Variants in QSER1 observed in about 807,000 individuals in gnomAD.
The protein encoded by QSER1 is glutamine and serine-rich protein 1.
In QSER1, 49 loss-of-function variants were observed where a neutral mutation model predicts 158.5. The observed-to-expected ratio is 0.31, with a 90% confidence interval of 0.25 to 0.39. The LOEUF (loss-of-function observed/expected upper bound fraction) is 0.39, where lower values mean the gene tolerates loss of function less well. Among genes scored for constraint, QSER1 ranks in the 10% least tolerant of loss-of-function variants. The pLI, the probability that QSER1 is intolerant of heterozygous loss-of-function variation, is 1.00. For missense variants in QSER1, 1,754 were observed against 2,010.3 expected (o/e 0.87, Z 2.44); for synonymous variants, 650 against 715.5 (o/e 0.91, Z 1.46).
intron 1 of QSER1, among the ~76,000 whole-genome samples, chr11:32,910,876 C>T (rs893947237): frequency 6.6e-6 from 1 of 152,136 alleles, no homozygotes; most frequent in Non-Finnish European, 1.5e-5. Context: ...CTTTATTGTT[C>T]CAGTTGGCTT....
At position 32,977,142 on chromosome 11, in the gene QSER1, A is replaced by G. The variant is rs1280140380; in HGVS notation, c.*668A>G. 6.6e-6 allele frequency: 1 copy of G among 152,646 alleles called. No individual in the cohort carries two copies. Among genetic ancestry groups the G allele is most frequent in the African/African-American group, 2.4e-5 (1 of 41,470 alleles). 9.5% of individuals were successfully genotyped at this position (152,646 alleles called of 1,614,324 possible). A position where few individuals can be genotyped will look rare whatever the true frequency, so the allele number is the denominator to read the frequency against. On this transcript the variant is annotated 3_prime_UTR_variant, in exon 13 of 13. Coordinates refer to ENST00000650167, the MANE Select transcript of QSER1 (RefSeq NM_001076786.3). ...ACATACTATTTTCCCTATCGCAAAG[A>G]AAAGTATTTTCGTTTATACTGTTTT...
intron 10 of QSER1, among the ~76,000 whole-genome samples, chr11:32,969,356 T>C (rs1852808719): frequency 6.6e-6 from 1 of 152,186 alleles, no homozygotes; most frequent in Admixed American, 6.5e-5. Flanking sequence ...TTTATAGTTA[T>C]CTATTATATC....
intron 4 of QSER1, among the ~76,000 whole-genome samples, chr11:32,941,500 C>G (rs1056149365): frequency 2.0e-5 from 3 of 150,550 alleles, no homozygotes; most frequent in Non-Finnish European, 4.4e-5. Flanking sequence ...TTTGTTCTTG[C>G]GATAGTTTAC....
In QSER1 at chr11:32,931,878, T is replaced by C; in HGVS notation, c.620T>C (p.Leu207Ser). The C allele has an allele frequency of 1.2e-6, 2 of 1,614,204 alleles. No individual in the cohort carries two copies. Among genetic ancestry groups the C allele is most frequent in the Non-Finnish European group, 1.7e-6 (2 of 1,180,014 alleles). The change falls in exon 4 of 13, where the codon TTG becomes TCG. Residue 207 changes from leucine (L) to serine (S), a missense_variant. Around this residue, in one of 2 missense-constraint regions of QSER1, gnomAD observed 1,707 missense variants for 1,919.6 expected, o/e 0.89. Coordinates refer to ENST00000650167, the MANE Select transcript of QSER1 (RefSeq NM_001076786.3). ...SNRNFATTSPLVLQDSTFNTT... is the reference protein window; with the variant it reads ...SNRNFATTSPSVLQDSTFNTT... Reference sequence around the variant, plus strand: ...AGAAACTTTGCTACCACTTCACCTTTGGTGCTTCAGGATTCAACTTTTAAC... The same window carrying C: ...AGAAACTTTGCTACCACTTCACCTTCGGTGCTTCAGGATTCAACTTTTAAC...
At chr11:32,952,304 G>A (rs1317376550) in intron 4 of QSER1, among the ~76,000 whole-genome samples, 2 of 152,162 alleles carry the variant, frequency 1.3e-5, no homozygotes, top group African/African-American at 4.8e-5. Flanking sequence ...TTCCCAGGCT[G>A]TTGAATGTTT....
intron 1 of QSER1, among the ~76,000 whole-genome samples, chr11:32,924,816 C>T (rs1327854388): frequency 1.3e-5 from 2 of 152,120 alleles, no homozygotes; most frequent in Admixed American, 6.5e-5. Flanking sequence ...GTTTGGAATA[C>T]AAATGATCCT....
At chr11:32,970,946 CT>C (rs776051259) in intron 10 of QSER1, among the ~76,000 whole-genome samples, 1,284 of 76,814 alleles carry the variant, frequency 0.017, no homozygotes, top group African/African-American at 0.048. Context: ...AAGCAATTTG[CT>C]TTTTTTTTTT....
At chr11:32,914,226 A>C (rs1243230119) in intron 1 of QSER1, among the ~76,000 whole-genome samples, 2 of 152,226 alleles carry the variant, frequency 1.3e-5, no homozygotes, top group Non-Finnish European at 2.9e-5. Context: ...TAGAACTACA[A>C]AGAACATTAG....
chr11:32,911,910 A>C (rs1467704006), intron 1 of QSER1, among the ~76,000 whole-genome samples: 1 of 152,222 alleles, frequency 6.6e-6, no homozygotes, highest in Non-Finnish European at 1.5e-5. Flanking sequence ...TGGAAGAGGG[A>C]AGAGTGGTAC....
chr11:32,959,130 A>G (rs1467225052), intron 8 of QSER1, among the ~76,000 whole-genome samples: 1 of 152,216 alleles, frequency 6.6e-6, no homozygotes, highest in African/African-American at 2.4e-5. Flanking sequence ...GAGGTTGCCA[A>G]ATGTCTTGCA....
At chr11:32,894,200 C>T (rs1156718496) in intron 1 of QSER1, among the ~76,000 whole-genome samples, 1 of 152,086 alleles carries the variant, frequency 6.6e-6, no homozygotes, top group African/African-American at 2.4e-5. Context: ...TCTTGCATGA[C>T]CAAGGGAATC....
Position 32,934,533 on chromosome 11 carries a change from T to A in QSER1, c.3275T>A (p.Val1092Asp), listed in dbSNP as rs1378256141. 2 of 1,613,580 alleles carry A rather than the reference T, an allele frequency of 1.2e-6. No homozygotes were observed. Among genetic ancestry groups the A allele is most frequent in the African/African-American group, 2.7e-5 (2 of 75,046 alleles). Residue 1092 changes from valine to aspartate, a missense_variant, in exon 4 of 13, where the codon GTT becomes GAT. This residue lies in a region of QSER1 where 1,707 missense variants were observed against 1,919.6 expected (regional missense o/e 0.89). Transcript: ENST00000650167. ...NIPTKVTSAV[V>D]GPSHEVQEQS... ...CCAACTAAAGTAACTTCAGCAGTGG[T>A]TGGACCAAGTCATGAAGTCCAGGAG...
intron 4 of QSER1, among the ~76,000 whole-genome samples, chr11:32,949,135 A>G (rs1852383518): frequency 6.6e-6 from 1 of 152,134 alleles, no homozygotes; most frequent in African/African-American, 2.4e-5. Flanking sequence ...TATATTTCCC[A>G]GTTTACCCTT....
Position 32,958,034 on chromosome 11 carries a change from A to G in QSER1, c.4917A>G (p.Ser1639=). ...AAAAATGGAAAGAAGAATTTTCATCATCCCAATCTGACTCATCTCCTGAGA... is the reference window on the plus strand; with the variant it reads ...AAAAATGGAAAGAAGAATTTTCATCGTCCCAATCTGACTCATCTCCTGAGA... ...KRKKWKEEFS[S]SQSDSSPEIH... Residue 1639 remains serine, a synonymous_variant, in exon 8 of 13, where the codon TCA becomes TCG. Transcript: ENST00000650167. The G allele has an allele frequency of 3.1e-6, 5 of 1,614,166 alleles. No individual in the cohort carries two copies.
chr11:32,906,996 A>G (rs1444919497), intron 1 of QSER1, among the ~76,000 whole-genome samples: 4 of 152,216 alleles, frequency 2.6e-5, no homozygotes, highest in African/African-American at 9.6e-5. Flanking sequence ...CAACCTATAC[A>G]TATTTCATTG....
intron 3 of QSER1, among the ~76,000 whole-genome samples, chr11:32,931,305 C>T (rs943077698): frequency 3.9e-5 from 6 of 152,056 alleles, no homozygotes; most frequent in East Asian, 1.9e-4. Context: ...CTAATCCAGG[C>T]GTGGTGGCTT....
At chr11:32,941,486 G>GT (rs1317240244) in intron 4 of QSER1, among the ~76,000 whole-genome samples, 1 of 149,572 alleles carries the variant, frequency 6.7e-6, no homozygotes, top group Non-Finnish European at 1.5e-5. Context: ...GCGGTGTTTG[G>GT]TTTTTTGTTC....
chr11:32,901,350 T>G (rs911439212), intron 1 of QSER1, among the ~76,000 whole-genome samples: 1 of 152,256 alleles, frequency 6.6e-6, no homozygotes, highest in African/African-American at 2.4e-5. Context: ...TAACTGCTAT[T>G]AATACTTGCC....
At chr11:32,905,553 T>C (rs12290810) in intron 1 of QSER1, among the ~76,000 whole-genome samples, 8,707 of 152,260 alleles carry the variant, frequency 0.057, 462 homozygotes, top group African/African-American at 0.14. Flanking sequence ...TGCCAGAAAC[T>C]CCAACTCCTC....
Sources: gnomAD v4.1 joint callset for allele counts (sites outside exome capture counted in the v4.1 genomes callset) on GRCh38, gnomAD v4.1.1 for gene constraint, gnomAD v4.1.1 regional missense constraint, MANE v1.5 for transcripts, NCBI Gene and HGNC (gene_info 2026-07-23, HGNC 2026-07-21) for gene names.